Variants in CCDC85A observed in about 807,000 individuals in gnomAD.
The protein encoded by CCDC85A is coiled-coil domain containing 85A, also known as coiled-coil domain-containing protein 85A.
A neutral mutation model predicts 50.2 loss-of-function variants in CCDC85A; 38 were observed. The ratio of observed to expected loss-of-function variants is 0.76; its 90% CI spans 0.58 to 0.99. The LOEUF is 0.99. CCDC85A is among the 50% of genes least tolerant of loss of function. The pLI is 0.00. For synonymous variants in CCDC85A, 366 were observed against 301.4 expected (o/e 1.21, Z -2.22); for missense variants, 820 against 742.0 (o/e 1.11, Z -1.22).
chr2:56,308,761 T>C (rs920852227), intron 2 of CCDC85A, among the ~76,000 whole-genome samples: 1 of 152,188 alleles, frequency 6.6e-6, no homozygotes, highest in East Asian at 1.9e-4. Context: ...GTTTGGCAAA[T>C]CTGCTGCATA....
At chr2:56,343,628 TGAG>T (rs1189857675) in intron 3 of CCDC85A, among the ~76,000 whole-genome samples, 1 of 152,204 alleles carries the variant, frequency 6.6e-6, no homozygotes, top group Non-Finnish European at 1.5e-5. Context: ...AATGTTTTGT[TGAG>T]GAGTTGAACA....
At chr2:56,333,153 A>G (rs1037231137) in intron 2 of CCDC85A, among the ~76,000 whole-genome samples, 1 of 152,214 alleles carries the variant, frequency 6.6e-6, no homozygotes. Flanking sequence ...TTTGATGAAA[A>G]TAAAGTTGGT....
intron 2 of CCDC85A, among the ~76,000 whole-genome samples, chr2:56,334,715 G>T (rs1304228340): frequency 1.3e-5 from 2 of 152,196 alleles, no homozygotes; most frequent in African/African-American, 2.4e-5. Context: ...TGGCATTTCT[G>T]ATTATTGGAA....
intron 2 of CCDC85A, among the ~76,000 whole-genome samples, chr2:56,295,730 C>T (rs546534099): frequency 1.3e-5 from 2 of 152,268 alleles, no homozygotes; most frequent in South Asian, 4.1e-4. Context: ...TGAGTGTTAG[C>T]ATCATTATCT....
At chr2:56,278,736 G>C (rs2104094864) in intron 2 of CCDC85A, among the ~76,000 whole-genome samples, 1 of 152,122 alleles carries the variant, frequency 6.6e-6, no homozygotes, top group East Asian at 1.9e-4. Flanking sequence ...ACCACGCCCG[G>C]CTAATTTCTG....
At chr2:56,381,283 T>C (rs1410401072) in intron 5 of CCDC85A, among the ~76,000 whole-genome samples, 1 of 152,126 alleles carries the variant, frequency 6.6e-6, no homozygotes, top group Middle Eastern at 3.2e-3. Flanking sequence ...ATTTGAATAT[T>C]TCCCTCAGAT....
intron 2 of CCDC85A, among the ~76,000 whole-genome samples, chr2:56,307,533 C>T (rs9808203): frequency 0.021 from 3,239 of 152,128 alleles, 123 homozygotes; most frequent in African/African-American, 0.074. Context: ...CACATGAAAA[C>T]GGGGTTTGCT....
intron 2 of CCDC85A, among the ~76,000 whole-genome samples, chr2:56,251,184 G>A (rs1030103922): frequency 3.3e-5 from 5 of 152,190 alleles, no homozygotes; most frequent in East Asian, 3.9e-4. Context: ...GGTATGGGTC[G>A]CTTTAGACCT....
chr2:56,189,812 G>C (rs1452697530), intron 1 of CCDC85A, among the ~76,000 whole-genome samples: 1 of 152,120 alleles, frequency 6.6e-6, no homozygotes, highest in Non-Finnish European at 1.5e-5. Flanking sequence ...ATTTTTGAAG[G>C]TCTGATTGAG....
Position 56,193,099 on chromosome 2 carries a change from G to A in CCDC85A, c.899G>A (p.Ser300Asn). The A allele has an allele frequency of 6.2e-7, 1 of 1,613,904 alleles. No individual in the cohort carries two copies. The highest frequency in any genetic ancestry group is 8.5e-7 in the Non-Finnish European group (1 of 1,179,884). Residue 300 changes from serine to asparagine, a missense_variant, in exon 2 of 6, where the codon AGC becomes AAC. Transcript: ENST00000407595. ...PEQQRHPHPGSSPETLPKHVL... is the reference protein window; with the variant it reads ...PEQQRHPHPGNSPETLPKHVL... Reference sequence around the variant, plus strand: ...CAGCAAAGGCACCCGCATCCAGGGAGCAGCCCCGAAACGCTGCCCAAGCAC... The same window carrying A: ...CAGCAAAGGCACCCGCATCCAGGGAACAGCCCCGAAACGCTGCCCAAGCAC...
chr2:56,385,840 T>A lies in CCDC85A; in HGVS notation c.*1485T>A, dbSNP rs1676798280. 1 of 151,742 alleles carries A rather than the reference T, an allele frequency of 6.6e-6. No individual in the cohort carries two copies. Among genetic ancestry groups the A allele is most frequent in the Non-Finnish European group, 1.5e-5 (1 of 67,770 alleles). The allele number at this position is 151,742 out of a possible 1,614,324, so 9.4% of individuals were successfully genotyped here. On this transcript the variant is annotated 3_prime_UTR_variant, in exon 6 of 6. Transcript: ENST00000407595. ...AGAATTATCTCTCTAATTATCATAA[T>A]TGGGTTACAATTTAAGCTCCCCTTT...
At chr2:56,240,834 G>A (rs544740411) in intron 2 of CCDC85A, among the ~76,000 whole-genome samples, 1 of 152,128 alleles carries the variant, frequency 6.6e-6, no homozygotes, top group East Asian at 1.9e-4. Flanking sequence ...TATGAGTAAG[G>A]CCACTATAAA....
chr2:56,204,332 A>C (rs1676873177), intron 2 of CCDC85A, among the ~76,000 whole-genome samples: 1 of 152,218 alleles, frequency 6.6e-6, no homozygotes. Flanking sequence ...CATATAATGA[A>C]GTGTTCAGAT....
At chr2:56,231,803 A>G (rs2103938913) in intron 2 of CCDC85A, among the ~76,000 whole-genome samples, 1 of 152,234 alleles carries the variant, frequency 6.6e-6, no homozygotes, top group Non-Finnish European at 1.5e-5. Flanking sequence ...TTCACTTCTC[A>G]CTACCTGTTC....
intron 2 of CCDC85A, among the ~76,000 whole-genome samples, chr2:56,279,037 C>G (rs1671086911): frequency 6.6e-6 from 1 of 152,198 alleles, no homozygotes; most frequent in Admixed American, 6.5e-5. Context: ...CCAAGGCCAG[C>G]TGTGATTTGC....
Position 56,184,366 on chromosome 2 carries a change from C to A in CCDC85A, c.-259C>A, listed in dbSNP as rs954285053. The A allele has an allele frequency of 1.0e-5, 5 of 491,472 alleles. No homozygotes were observed. The highest frequency in any genetic ancestry group is 1.5e-5 in the Non-Finnish European group (5 of 335,990). 30.4% of individuals were successfully genotyped at this position (491,472 alleles called of 1,614,324 possible). On this transcript the variant is annotated 5_prime_UTR_variant, in exon 1 of 6. Coordinates refer to ENST00000407595, the MANE Select transcript of CCDC85A (RefSeq NM_001080433.2). ...CCCAGTGCCCCTCACCATGGACTTG[C>A]GCGGAGTTGGGACGGGCCTCGGCAG...
intron 2 of CCDC85A, among the ~76,000 whole-genome samples, chr2:56,247,000 T>C (rs1267222650): frequency 2.0e-5 from 3 of 152,208 alleles, no homozygotes; most frequent in East Asian, 1.9e-4. Flanking sequence ...ATTTTCAACA[T>C]TTTTCTATGA....
intron 1 of CCDC85A, among the ~76,000 whole-genome samples, chr2:56,189,870 CA>C (rs1250009394): frequency 1.6e-4 from 24 of 152,210 alleles, no homozygotes; most frequent in African/African-American, 5.8e-4. Context: ...ATGGTGCAAA[CA>C]AAGGCAGGGA....
intron 2 of CCDC85A, among the ~76,000 whole-genome samples, chr2:56,279,843 G>C (rs1671125439): frequency 6.6e-6 from 1 of 152,150 alleles, no homozygotes; most frequent in South Asian, 2.1e-4. Flanking sequence ...TTCACTGATA[G>C]AAATGTAGGT....
Sources: allele counts gnomAD v4.1 joint callset (sites outside exome capture counted in the v4.1 genomes callset), GRCh38; gene constraint gnomAD v4.1.1; transcripts MANE v1.5; gene names NCBI Gene and HGNC (gene_info 2026-07-23, HGNC 2026-07-21).